The following CATSPERT variants were observed in gnomAD, a reference collection of about 807,000 sequenced individuals.
The protein encoded by CATSPERT is cation channel sperm-associated targeting subunit tau.
chr2:201,534,408 GT>G, the CATSPERT span: 2 of 984,774 alleles, frequency 2.0e-6, no homozygotes, highest in Non-Finnish European at 2.4e-6. Context: ...TCAAGTGAAA[GT>G]TGAATATTTT....
chr2:201,494,213 G>A, the CATSPERT span: 1 of 1,535,970 alleles, frequency 6.5e-7, no homozygotes, highest in East Asian at 2.4e-5. Context: ...ATGCTTAGAA[G>A]TGGAGAACTA....
chr2:201,515,243 T>C, the CATSPERT span, among the ~76,000 whole-genome samples: 1 of 83,400 alleles, frequency 1.2e-5, no homozygotes, highest in African/African-American at 5.4e-5. Flanking sequence ...TTTTTTTTTT[T>C]TTTTTTTTTG....
chr2:201,601,846 A>G, the CATSPERT span: 1 of 1,606,932 alleles, frequency 6.2e-7, no homozygotes, highest in Non-Finnish European at 8.5e-7. Context: ...TTGTTTATAG[A>G]GATGCGAATG....
At chr2:201,534,155 G>A in the CATSPERT span, among the ~76,000 whole-genome samples, 1 of 151,868 alleles carries the variant, frequency 6.6e-6, no homozygotes, top group African/African-American at 2.4e-5. Flanking sequence ...AGATGTTCTT[G>A]CATCCCAGAT....
At chr2:201,608,189 C>G in the CATSPERT span, among the ~76,000 whole-genome samples, 1 of 152,018 alleles carries the variant, frequency 6.6e-6, no homozygotes, top group Non-Finnish European at 1.5e-5. Context: ...GCTTTGTCAC[C>G]CAGGATGGAA....
the CATSPERT span, among the ~76,000 whole-genome samples, chr2:201,514,565 T>C: frequency 6.6e-6 from 1 of 152,212 alleles, no homozygotes; most frequent in African/African-American, 2.4e-5. Context: ...GAAAACCCTA[T>C]AACTAACATC....
the CATSPERT span, among the ~76,000 whole-genome samples, chr2:201,572,376 C>T: frequency 6.6e-6 from 1 of 152,092 alleles, no homozygotes; most frequent in Non-Finnish European, 1.5e-5. Flanking sequence ...TATCTGCCCC[C>T]AATGTAGTGC....
the CATSPERT span, among the ~76,000 whole-genome samples, chr2:201,588,579 T>C: frequency 7.0e-6 from 1 of 142,648 alleles, no homozygotes; most frequent in Non-Finnish European, 1.5e-5. Flanking sequence ...TCACACTGAA[T>C]GGGCAATGGT....
the CATSPERT span, among the ~76,000 whole-genome samples, chr2:201,577,443 C>A: frequency 6.6e-6 from 1 of 152,198 alleles, no homozygotes; most frequent in Non-Finnish European, 1.5e-5. Flanking sequence ...AAAGAGATAT[C>A]TGCACTCATG....
the CATSPERT span, among the ~76,000 whole-genome samples, chr2:201,546,359 T>A: frequency 7.2e-5 from 11 of 152,140 alleles, no homozygotes; most frequent in Non-Finnish European, 1.2e-4. Flanking sequence ...TAGAGTATAT[T>A]TCTAAATATC....
chr2:201,593,500 G>A, the CATSPERT span, among the ~76,000 whole-genome samples: 3 of 126,582 alleles, frequency 2.4e-5, no homozygotes, highest in Non-Finnish European at 3.4e-5. Context: ...TATTAGGTCC[G>A]CTTGGTGCAG....
chr2:201,571,378 C>T, the CATSPERT span, among the ~76,000 whole-genome samples: 2 of 152,252 alleles, frequency 1.3e-5, no homozygotes, highest in Admixed American at 6.5e-5. Flanking sequence ...GATTAAATCT[C>T]TTTCTCAGGT....
chr2:201,609,347 A>G, the CATSPERT span, among the ~76,000 whole-genome samples: 1 of 152,224 alleles, frequency 6.6e-6, no homozygotes, highest in Non-Finnish European at 1.5e-5. Context: ...TAGACCTAAC[A>G]GACATTTACA....
chr2:201,569,184 C>T, the CATSPERT span, among the ~76,000 whole-genome samples: 2 of 152,162 alleles, frequency 1.3e-5, no homozygotes, highest in Non-Finnish European at 2.9e-5. Context: ...TACTAGGGTC[C>T]TTCCTTGAAG....
At chr2:201,553,998 A>G in the CATSPERT span, 2 of 152,224 alleles carry the variant, frequency 1.3e-5, no homozygotes, top group Admixed American at 1.3e-4. Context: ...AAGCTTATGA[A>G]TGAATCCAAG....
chr2:201,611,851 G>A, the CATSPERT span, among the ~76,000 whole-genome samples: 217 of 152,252 alleles, frequency 1.4e-3, no homozygotes, highest in African/African-American at 4.8e-3. Flanking sequence ...CCCCTTTGCC[G>A]TTTAGGTCTC....
At chr2:201,565,978 A>T in the CATSPERT span, 1 of 1,015,350 alleles carries the variant, frequency 9.8e-7, no homozygotes, top group East Asian at 2.9e-5. Flanking sequence ...CTTTTAGCTC[A>T]CCTAGCCACC....
the CATSPERT span, among the ~76,000 whole-genome samples, chr2:201,587,476 G>A: frequency 0.43 from 65,006 of 151,764 alleles, 14,414 homozygotes; most frequent in Non-Finnish European, 0.5. Context: ...GAATTTCCCC[G>A]CCTCCCAGCA....
the CATSPERT span, chr2:201,571,876 A>C: frequency 6.8e-7 from 1 of 1,462,392 alleles, no homozygotes; most frequent in Admixed American, 1.7e-5. Flanking sequence ...TGCTCCACCA[A>C]ATGGATTAAA....
Sources: allele counts gnomAD v4.1 joint callset (sites outside exome capture counted in the v4.1 genomes callset), GRCh38; gene constraint gnomAD v4.1.1; transcripts MANE v1.5; gene names NCBI Gene and HGNC (gene_info 2026-07-23, HGNC 2026-07-21).